Variants in GAB1 observed in about 807,000 individuals in gnomAD.
The protein encoded by GAB1 is GRB2 associated binding protein 1.
Under a neutral mutation model 66.5 loss-of-function variants are expected in GAB1, and 19 were observed. That is an observed-to-expected ratio of 0.29 (90% CI 0.20 to 0.42). The LOEUF (loss-of-function observed/expected upper bound fraction) is 0.42. Among genes scored for constraint, GAB1 ranks in the 10% least tolerant of loss-of-function variants. The probability of loss-of-function intolerance (pLI) is 1.00; values close to 1 mark genes in which losing one functional copy is unlikely to be tolerated. For missense variants in GAB1, 732 were observed against 858.5 expected (o/e 0.85, Z 1.84); for synonymous variants, 294 against 301.4 (o/e 0.98, Z 0.25).
intron 1 of GAB1, among the ~76,000 whole-genome samples, chr4:143,346,783 CTAA>C (rs1424909560): frequency 6.6e-6 from 1 of 152,144 alleles, no homozygotes; most frequent in African/African-American, 2.4e-5. Flanking sequence ...TATTGAACTC[CTAA>C]TAATGTAAAA....
intron 6 of GAB1, chr4:143,457,686 G>T: frequency 6.8e-7 from 1 of 1,481,250 alleles, no homozygotes. Flanking sequence ...TTAGGTCAAA[G>T]TCCTAAAATT....
intron 2 of GAB1, among the ~76,000 whole-genome samples, chr4:143,417,101 C>T (rs1732733714): frequency 6.6e-6 from 1 of 152,142 alleles, no homozygotes; most frequent in African/African-American, 2.4e-5. Flanking sequence ...TGAAGGAAAG[C>T]TTCTGAAAGG....
At chr4:143,349,686 C>A in intron 1 of GAB1, 8 of 1,535,504 alleles carry the variant, frequency 5.2e-6, no homozygotes, top group Non-Finnish European at 7.1e-6. Flanking sequence ...AGAGCTTGGC[C>A]AGGATGATGG....
intron 3 of GAB1, among the ~76,000 whole-genome samples, chr4:143,434,638 G>A (rs934371280): frequency 3.2e-4 from 48 of 152,080 alleles, no homozygotes; most frequent in African/African-American, 1.2e-3. Context: ...TTGCAGGTGT[G>A]AGCCACTGCG....
chr4:143,387,066 C>G (rs1421281869), intron 1 of GAB1, among the ~76,000 whole-genome samples: 1 of 152,146 alleles, frequency 6.6e-6, no homozygotes, highest in East Asian at 1.9e-4. Flanking sequence ...GAACTTTGTA[C>G]TTAGGCATAC....
chr4:143,410,489 A>G (rs558409548), intron 1 of GAB1, among the ~76,000 whole-genome samples: 1 of 152,200 alleles, frequency 6.6e-6, no homozygotes, highest in East Asian at 1.9e-4. Flanking sequence ...TGGGACTCCC[A>G]TCTGTACTTT....
At chr4:143,349,782 C>G in intron 1 of GAB1, 1 of 1,592,208 alleles carries the variant, frequency 6.3e-7, no homozygotes, top group Non-Finnish European at 8.5e-7. Flanking sequence ...CAACGAATGC[C>G]TTGAACCTCG....
chr4:143,438,293 AG>A lies in GAB1; in HGVS notation c.889del (p.Glu297ArgfsTer4). The A allele has an allele frequency of 6.2e-7, 1 of 1,613,960 alleles. No individual in the cohort carries two copies. The highest frequency in any genetic ancestry group is 8.5e-7 in the Non-Finnish European group (1 of 1,179,810). Reference sequence around the variant, plus strand: ...ATACCCCATCTGGGACATCGAGTGTAGAGACTCAAATGAGGCATGTATCTAT... The same window carrying A: ...ATACCCCATCTGGGACATCGAGTGTAAGACTCAAATGAGGCATGTATCTAT... ...FNTPSGTSSV[E>X]TQMRHVSISY... On this transcript the variant is annotated frameshift_variant, in exon 4 of 10. Coordinates refer to ENST00000262994, the MANE Select transcript of GAB1 (RefSeq NM_002039.4). LOFTEE classifies it high-confidence loss of function.
intron 6 of GAB1, among the ~76,000 whole-genome samples, chr4:143,442,910 C>G (rs746302294): frequency 1.5e-4 from 22 of 151,716 alleles, no homozygotes; most frequent in Non-Finnish European, 3.1e-4. Context: ...TTGAAATACC[C>G]ATATAGTTTT....
intron 1 of GAB1, among the ~76,000 whole-genome samples, chr4:143,368,696 A>G (rs1454656399): frequency 6.6e-6 from 1 of 152,094 alleles, no homozygotes; most frequent in Non-Finnish European, 1.5e-5. Flanking sequence ...AAACTCATTC[A>G]ATGTGCATTT....
chr4:143,468,933 A>AC (rs1735944660), intron 9 of GAB1, 98 bp from the exon 10 acceptor site: 1 of 1,302,432 alleles, frequency 7.7e-7, no homozygotes, highest in Non-Finnish European at 1.1e-6. Context: ...CAAAAAAAAA[A>AC]AGTATTCACA....
intron 1 of GAB1, among the ~76,000 whole-genome samples, chr4:143,339,292 G>A (rs1307054069): frequency 1.3e-5 from 2 of 152,200 alleles, no homozygotes; most frequent in Non-Finnish European, 2.9e-5. Context: ...CGAGGCCAGT[G>A]GATCACCTGA....
chr4:143,436,141 A>C (rs1733929064), intron 3 of GAB1, among the ~76,000 whole-genome samples: 1 of 152,212 alleles, frequency 6.6e-6, no homozygotes, highest in Non-Finnish European at 1.5e-5. Context: ...AAGATGGAGA[A>C]AACAAAAGCT....
At chr4:143,358,625 TCTGCCA>T (rs1317914899) in intron 1 of GAB1, among the ~76,000 whole-genome samples, 7 of 152,198 alleles carry the variant, frequency 4.6e-5, no homozygotes, top group Admixed American at 1.3e-4. Context: ...AAACTTCAGT[TCTGCCA>T]CTGTGCCCAC....
intron 1 of GAB1, among the ~76,000 whole-genome samples, chr4:143,368,529 A>G (rs1326194863): frequency 3.9e-5 from 6 of 152,220 alleles, no homozygotes; most frequent in Non-Finnish European, 7.3e-5. Flanking sequence ...CCTAATTTTT[A>G]TAAATATATG....
At chr4:143,431,856 C>G (rs1203879615) in intron 2 of GAB1, among the ~76,000 whole-genome samples, 1 of 151,986 alleles carries the variant, frequency 6.6e-6, no homozygotes, top group Non-Finnish European at 1.5e-5. Flanking sequence ...CCCAACCTCA[C>G]AAATCCTTTT....
chr4:143,425,287 G>A, intron 2 of GAB1: 1 of 892,526 alleles, frequency 1.1e-6, no homozygotes, highest in South Asian at 1.3e-5. Context: ...ATATCCTCCA[G>A]GAATACTGGC....
intron 1 of GAB1, among the ~76,000 whole-genome samples, chr4:143,384,613 A>G (rs1730813819): frequency 6.6e-6 from 1 of 152,218 alleles, no homozygotes; most frequent in Non-Finnish European, 1.5e-5. Flanking sequence ...ACTAGGGGCA[A>G]CAGCACATGT....
intron 3 of GAB1, 121 bp downstream of exon 3, chr4:143,433,837 T>C (rs1578708735): frequency 1.3e-6 from 1 of 748,050 alleles, no homozygotes; most frequent in East Asian, 2.7e-5. Context: ...ACCATCTGTA[T>C]AGGCATATGT....
Sources: allele counts gnomAD v4.1 joint callset (sites outside exome capture counted in the v4.1 genomes callset), GRCh38; gene constraint gnomAD v4.1.1; transcripts MANE v1.5; gene names NCBI Gene and HGNC (gene_info 2026-07-23, HGNC 2026-07-21).